CFAP299: variants seen among roughly 807,000 people sequenced by gnomAD.
The protein encoded by CFAP299 is cilia and flagella associated protein 299.
Under a neutral mutation model 27.0 loss-of-function variants are expected in CFAP299, and 21 were observed. The observed-to-expected ratio is 0.78, with a 90% CI of 0.55 to 1.12. The LOEUF is 1.12. CFAP299 is among the 50% of genes most tolerant of loss of function. The pLI is 0.00. For missense variants in CFAP299, 310 were observed against 276.6 expected (o/e 1.12, Z -0.86); for synonymous variants, 104 against 98.1 (o/e 1.06, Z -0.36).
intron 3 of CFAP299, among the ~76,000 whole-genome samples, chr4:80,781,136 T>C (rs1726852335): frequency 6.6e-6 from 1 of 152,010 alleles, no homozygotes; most frequent in Non-Finnish European, 1.5e-5. Flanking sequence ...ATATCTTCTA[T>C]TGTTGATGAA....
At chr4:80,567,520 A>G (rs1472676643) in intron 2 of CFAP299, among the ~76,000 whole-genome samples, 2 of 151,992 alleles carry the variant, frequency 1.3e-5, no homozygotes, top group Non-Finnish European at 2.9e-5. Context: ...GCAATTAAGA[A>G]TAGTTTACGA....
chr4:80,924,690 A>G (rs1335089339), intron 4 of CFAP299, among the ~76,000 whole-genome samples: 2 of 151,258 alleles, frequency 1.3e-5, no homozygotes, highest in East Asian at 1.9e-4. Flanking sequence ...TCCAAGGTGT[A>G]TAACTTGTAT....
At chr4:80,365,767 AT>A (rs1391775117) in intron 2 of CFAP299, among the ~76,000 whole-genome samples, 1 of 152,210 alleles carries the variant, frequency 6.6e-6, no homozygotes, top group Admixed American at 6.5e-5. Context: ...TTCACATGCA[AT>A]TTTATGAGTG....
In CFAP299 at chr4:80,802,144, A is replaced by G. The variant is rs543722480; in HGVS notation, c.334-67849A>G. Among the ~76,000 whole-genome samples the G allele has an allele frequency of 2.0e-5, 3 of 152,190 alleles. No individual in the cohort carries two copies. The South Asian group carries it at 6.2e-4, about 31-fold the overall frequency. Reference sequence around the variant, plus strand: ...ATCATTTTAATTAAAATATTTGAAAACGTTCTTATCTCAAACACCTGGTGT... The same window carrying G: ...ATCATTTTAATTAAAATATTTGAAAGCGTTCTTATCTCAAACACCTGGTGT... On this transcript the variant is annotated intron_variant, in intron 3 of 5. Coordinates refer to ENST00000358105, the MANE Select transcript of CFAP299 (RefSeq NM_152770.3).
At chr4:80,508,831 T>C (rs1732157139) in intron 2 of CFAP299, among the ~76,000 whole-genome samples, 1 of 152,174 alleles carries the variant, frequency 6.6e-6, no homozygotes, top group Admixed American at 6.5e-5. Context: ...GTGCTGGGAT[T>C]GCAGGCATGA....
chr4:80,709,528 A>G (rs985432138), intron 3 of CFAP299, among the ~76,000 whole-genome samples: 2 of 152,120 alleles, frequency 1.3e-5, no homozygotes, highest in African/African-American at 4.8e-5. Context: ...GAAGGAGCCA[A>G]TGCTTCACCT....
At chr4:80,754,044 G>T (rs555927537) in intron 3 of CFAP299, among the ~76,000 whole-genome samples, 2 of 152,068 alleles carry the variant, frequency 1.3e-5, no homozygotes, top group South Asian at 2.1e-4. Flanking sequence ...TTTTTCCTTG[G>T]TTTTTTGTAT....
At chr4:80,930,747 C>T (rs1179487862) in intron 4 of CFAP299, among the ~76,000 whole-genome samples, 1 of 152,120 alleles carries the variant, frequency 6.6e-6, no homozygotes, top group Non-Finnish European at 1.5e-5. Context: ...GCTGGCCACT[C>T]CTTTTCCAGC....
intron 5 of CFAP299, among the ~76,000 whole-genome samples, chr4:80,952,730 A>T (rs1737847325): frequency 6.6e-6 from 1 of 152,090 alleles, no homozygotes; most frequent in Admixed American, 6.6e-5. Context: ...TTAGAGGAAG[A>T]GTCCAGCAAC....
intron 3 of CFAP299, among the ~76,000 whole-genome samples, chr4:80,831,790 G>A (rs1044250207): frequency 6.6e-6 from 1 of 152,062 alleles, no homozygotes; most frequent in African/African-American, 2.4e-5. Flanking sequence ...TACCATTTTA[G>A]CATCTAATAA....
intron 3 of CFAP299, among the ~76,000 whole-genome samples, chr4:80,679,040 C>T (rs1719654553): frequency 6.6e-6 from 1 of 151,966 alleles, no homozygotes; most frequent in Non-Finnish European, 1.5e-5. Context: ...AAAGAACTTC[C>T]TTGTGCTTTA....
At chr4:80,858,400 C>G (rs1475768954) in intron 3 of CFAP299, among the ~76,000 whole-genome samples, 1 of 152,054 alleles carries the variant, frequency 6.6e-6, no homozygotes, top group African/African-American at 2.4e-5. Flanking sequence ...TTTTGTATCT[C>G]TATTTCCTTC....
At chr4:80,515,849 G>A (rs956720873) in intron 2 of CFAP299, among the ~76,000 whole-genome samples, 1 of 152,090 alleles carries the variant, frequency 6.6e-6, no homozygotes, top group African/African-American at 2.4e-5. Flanking sequence ...GACGACAAAT[G>A]GAGAATTTCA....
chr4:80,887,887 C>T (rs72865179), intron 4 of CFAP299, among the ~76,000 whole-genome samples: 2,391 of 151,750 alleles, frequency 0.016, 66 homozygotes, highest in African/African-American at 0.054. Context: ...GTATATAATC[C>T]GTATTAAGTT....
chr4:80,575,033 T>C (rs1735781330), intron 2 of CFAP299, among the ~76,000 whole-genome samples: 2 of 152,094 alleles, frequency 1.3e-5, no homozygotes. Flanking sequence ...TTGAGTAGGA[T>C]TGGTATTTGT....
At chr4:80,729,420 A>G (rs1560721042) in intron 3 of CFAP299, among the ~76,000 whole-genome samples, 1 of 152,066 alleles carries the variant, frequency 6.6e-6, no homozygotes, top group South Asian at 2.1e-4. Context: ...TAACATATAG[A>G]TTATGGGAGA....
intron 2 of CFAP299, among the ~76,000 whole-genome samples, chr4:80,523,974 G>A (rs1733047892): frequency 6.6e-6 from 1 of 152,038 alleles, no homozygotes; most frequent in South Asian, 2.1e-4. Context: ...TCATGCCACA[G>A]TGAGTTTTAT....
intron 2 of CFAP299, among the ~76,000 whole-genome samples, chr4:80,491,012 C>T (rs886206373): frequency 2.3e-5 from 3 of 131,060 alleles, no homozygotes; most frequent in African/African-American, 8.8e-5. Context: ...AGTAGTTTGT[C>T]ATTCTGCTTG....
intron 2 of CFAP299, chr4:80,387,889 G>T: frequency 9.8e-7 from 1 of 1,023,012 alleles, no homozygotes; most frequent in Non-Finnish European, 1.5e-6. Flanking sequence ...GTCAAAGATG[G>T]CCACGGTGCC....
Sources: gnomAD v4.1 joint callset for allele counts (sites outside exome capture counted in the v4.1 genomes callset) on GRCh38, gnomAD v4.1.1 for gene constraint, MANE v1.5 for transcripts, NCBI Gene and HGNC (gene_info 2026-07-23, HGNC 2026-07-21) for gene names.